The following UNC5D variants were observed in gnomAD, a reference collection of about 807,000 sequenced individuals.
UNC5D encodes unc-5 netrin receptor D, also known as netrin receptor UNC5D.
In UNC5D, 39 loss-of-function variants were observed where a neutral mutation model predicts 105.4. The ratio of observed to expected loss-of-function variants is 0.37; its 90% CI spans 0.29 to 0.48. The LOEUF (loss-of-function observed/expected upper bound fraction) is 0.48. UNC5D is among the 20% of genes least tolerant of loss of function. The pLI, the probability that UNC5D is intolerant of heterozygous loss-of-function variation, is 0.98. For synonymous variants in UNC5D, 452 were observed against 450.4 expected (o/e 1.00, Z -0.04); for missense variants, 991 against 1,202.4 (o/e 0.82, Z 2.60).
intron 1 of UNC5D, among the ~76,000 whole-genome samples, chr8:35,499,962 A>G (rs1406141675): frequency 6.6e-6 from 1 of 152,206 alleles, no homozygotes; most frequent in Non-Finnish European, 1.5e-5. Context: ...GATTCTGTGC[A>G]AGTGAAACTA....
Position 35,684,558 on chromosome 8 carries a change from C to T in UNC5D, c.752-24C>T, listed in dbSNP as rs766318485. On this transcript the variant is annotated intron_variant, in intron 5 of 16. Coordinates refer to ENST00000404895, the MANE Select transcript of UNC5D (RefSeq NM_080872.4). ...GTAAAAACCTCTCTCCTTTTTTTCT[C>T]CCCTCCCCATTTTTCTCTCTCAGTG... The T allele has an allele frequency of 3.2e-5, 51 of 1,597,734 alleles. No individual in the cohort carries two copies. The South Asian group carries it at 5.7e-4, about 18-fold the overall frequency.
intron 1 of UNC5D, among the ~76,000 whole-genome samples, chr8:35,529,855 T>C (rs1421961378): frequency 1.3e-5 from 2 of 149,096 alleles, no homozygotes; most frequent in Non-Finnish European, 3.0e-5. Flanking sequence ...TTGTCTGTTG[T>C]TGGTGTATAA....
At chr8:35,705,757 AT>A (rs1021962242) in intron 7 of UNC5D, among the ~76,000 whole-genome samples, 171 bp from the exon 8 acceptor site, 1 of 152,152 alleles carries the variant, frequency 6.6e-6, no homozygotes, top group African/African-American at 2.4e-5. Flanking sequence ...AAAAGAGAAA[AT>A]TTTTTTAAAA....
At chr8:35,358,750 T>C (rs1421403929) in intron 1 of UNC5D, among the ~76,000 whole-genome samples, 1 of 152,178 alleles carries the variant, frequency 6.6e-6, no homozygotes, top group Non-Finnish European at 1.5e-5. Context: ...TCCAACTCTT[T>C]CCTTATGAGA....
At position 35,638,534 on chromosome 8, in the gene UNC5D, C is replaced by A. The variant is rs531174871; in HGVS notation, c.570+42877C>A. 2.0e-5 allele frequency among the ~76,000 whole-genome samples: 3 copies of A among 151,722 alleles called. No individual in the cohort carries two copies. The South Asian group carries it at 6.2e-4, about 32-fold the overall frequency. ...ATTTGGCAAGGCTTGGTGGCTCACA[C>A]CTGTAATCCTAGTGCCTTAGGAGGC... On this transcript the variant is annotated intron_variant, in intron 4 of 16. Coordinates refer to ENST00000404895, the MANE Select transcript of UNC5D (RefSeq NM_080872.4).
Position 35,409,436 on chromosome 8 carries a change from ATCCTTCT to A in UNC5D, c.104-139855_104-139849del, listed in dbSNP as rs879811614. Among the ~76,000 whole-genome samples, 1,353 of 152,038 alleles carry A rather than the reference ATCCTTCT, an allele frequency of 8.9e-3. 22 individuals carry two copies. The highest frequency in any genetic ancestry group is 0.079 in the South Asian group (378 of 4,804). Reference sequence around the variant, plus strand: ...GTTGTTGTTTGTTTGTTTTCATTTTATCCTTCTAATAGGTGGATACTGGTTTCTCATG... The same window carrying A: ...GTTGTTGTTTGTTTGTTTTCATTTTAAATAGGTGGATACTGGTTTCTCATG... On this transcript the variant is annotated intron_variant, in intron 1 of 16. Transcript: ENST00000404895.
intron 1 of UNC5D, among the ~76,000 whole-genome samples, chr8:35,496,104 G>C (rs558423064): frequency 5.9e-5 from 9 of 152,118 alleles, no homozygotes; most frequent in Admixed American, 1.3e-4. Flanking sequence ...TTAGACTGAG[G>C]GTTCAGTCTA....
chr8:35,337,202 A>G (rs1490468758), intron 1 of UNC5D, among the ~76,000 whole-genome samples: 1 of 152,122 alleles, frequency 6.6e-6, no homozygotes, highest in Non-Finnish European at 1.5e-5. Flanking sequence ...TCTTCGATAT[A>G]TTTGTGTCCC....
intron 1 of UNC5D, among the ~76,000 whole-genome samples, chr8:35,250,026 CT>C (rs539794507): frequency 3.3e-5 from 5 of 151,396 alleles, no homozygotes; most frequent in Non-Finnish European, 7.4e-5. Context: ...TGGGCATTTA[CT>C]TTTTTTTGTT....
At chr8:35,506,860 G>A (rs1812335193) in intron 1 of UNC5D, among the ~76,000 whole-genome samples, 1 of 152,094 alleles carries the variant, frequency 6.6e-6, no homozygotes, top group East Asian at 1.9e-4. Flanking sequence ...GGCTTGGTGG[G>A]TCAAGACTTT....
chr8:35,650,264 G>A (rs1263483438), intron 4 of UNC5D, among the ~76,000 whole-genome samples: 1 of 152,140 alleles, frequency 6.6e-6, no homozygotes, highest in Admixed American at 6.5e-5. Context: ...TTGACTTGTT[G>A]TGAGCCTTGT....
chr8:35,313,624 T>C (rs989319684), intron 1 of UNC5D, among the ~76,000 whole-genome samples: 1 of 152,138 alleles, frequency 6.6e-6, no homozygotes, highest in Non-Finnish European at 1.5e-5. Context: ...AGTATTTCAG[T>C]TGTCTCTTTT....
intron 1 of UNC5D, among the ~76,000 whole-genome samples, chr8:35,536,321 T>C (rs540767458): frequency 1.3e-5 from 2 of 152,284 alleles, no homozygotes; most frequent in South Asian, 4.1e-4. Context: ...CTCAACTCAA[T>C]CTGTGTATTA....
intron 11 of UNC5D, among the ~76,000 whole-genome samples, chr8:35,735,465 C>T (rs544650086): frequency 7.9e-5 from 12 of 152,318 alleles, no homozygotes; most frequent in Non-Finnish European, 1.3e-4. Flanking sequence ...TAAATTTGGG[C>T]TCAGCCCAGA....
At chr8:35,701,573 AGAAAT>A (rs1827200401) in intron 7 of UNC5D, among the ~76,000 whole-genome samples, 1 of 152,214 alleles carries the variant, frequency 6.6e-6, no homozygotes, top group Non-Finnish European at 1.5e-5. Context: ...AAGGTGAAAA[AGAAAT>A]GAATCATCAC....
At chr8:35,384,215 T>C (rs1238250337) in intron 1 of UNC5D, among the ~76,000 whole-genome samples, 2 of 149,562 alleles carry the variant, frequency 1.3e-5, no homozygotes, top group Non-Finnish European at 3.0e-5. Flanking sequence ...CAAGACTCCA[T>C]TTCAAAAAAA....
chr8:35,252,019 CTTT>C (rs1177014089), intron 1 of UNC5D, among the ~76,000 whole-genome samples: 3 of 117,264 alleles, frequency 2.6e-5, no homozygotes, highest in Admixed American at 8.9e-5. Context: ...ACCAATGGTT[CTTT>C]TTTTTTTTTT....
intron 4 of UNC5D, among the ~76,000 whole-genome samples, chr8:35,608,534 G>A (rs1341885559): frequency 6.6e-6 from 1 of 152,108 alleles, no homozygotes; most frequent in Non-Finnish European, 1.5e-5. Flanking sequence ...CAAATGACAA[G>A]TAATTTCTCA....
chr8:35,696,454 C>T (rs1357898476), intron 7 of UNC5D, among the ~76,000 whole-genome samples: 1 of 151,940 alleles, frequency 6.6e-6, no homozygotes, highest in Non-Finnish European at 1.5e-5. Context: ...CAGGATTCAA[C>T]AGCACAAAAC....
Sources: gnomAD v4.1 joint callset for allele counts (sites outside exome capture counted in the v4.1 genomes callset) on GRCh38, gnomAD v4.1.1 for gene constraint, MANE v1.5 for transcripts, NCBI Gene and HGNC (gene_info 2026-07-23, HGNC 2026-07-21) for gene names.